Variants in ARPC5L observed in about 807,000 individuals in gnomAD.
ARPC5L encodes actin-related protein 2/3 complex subunit 5-like protein.
Under a neutral mutation model 16.9 loss-of-function variants are expected in ARPC5L, and 4 were observed. The observed-to-expected ratio is 0.24, with a 90% CI of 0.12 to 0.54. ARPC5L has a LOEUF of 0.54. Among genes scored for constraint, ARPC5L ranks in the 20% least tolerant of loss-of-function variants. The probability of loss-of-function intolerance (pLI) is 0.95; values close to 1 mark genes in which losing one functional copy is unlikely to be tolerated. For missense variants in ARPC5L, 151 were observed against 201.9 expected (o/e 0.75, Z 1.53); for synonymous variants, 78 against 82.6 (o/e 0.94, Z 0.30).
chr9:124,863,712 G>A (rs949111477), intron 1 of ARPC5L, among the ~76,000 whole-genome samples: 1 of 152,198 alleles, frequency 6.6e-6, no homozygotes, highest in African/African-American at 2.4e-5. Context: ...AGTGAAACGG[G>A]AATTCACAAG....
intron 3 of ARPC5L, chr9:124,873,423 A>G (rs1281017630): frequency 1.2e-5 from 6 of 508,478 alleles, no homozygotes; most frequent in Admixed American, 3.3e-5. Flanking sequence ...GCACAATCCA[A>G]TTTTACATCA....
intron 3 of ARPC5L, among the ~76,000 whole-genome samples, chr9:124,871,120 C>A (rs956349970): frequency 6.6e-6 from 1 of 152,000 alleles, no homozygotes; most frequent in Admixed American, 6.6e-5. Context: ...TTATATTAGA[C>A]CATTGAGGAC....
intron 1 of ARPC5L, among the ~76,000 whole-genome samples, chr9:124,863,344 C>T (rs773115612): frequency 6.6e-5 from 10 of 152,028 alleles, no homozygotes; most frequent in Non-Finnish European, 1.0e-4. Context: ...TTAGTAGAGA[C>T]AAGGTTTAGC....
chr9:124,867,141 CTTTTTT>C (rs779385412), intron 2 of ARPC5L, among the ~76,000 whole-genome samples: 2 of 137,922 alleles, frequency 1.5e-5, no homozygotes, highest in East Asian at 2.1e-4. Context: ...TCAGGGACAC[CTTTTTT>C]TTTTTTTTTT....
rs1382027779 is a variant in ARPC5L at position 124,876,318 on chromosome 9, C to G, written c.400-560C>G. 4.6e-5 allele frequency among the ~76,000 whole-genome samples: 7 copies of G among 151,922 alleles called. No individual in the cohort carries two copies. In the East Asian group the frequency reaches 1.4e-3, roughly 29 times the overall value. On this transcript the variant is annotated intron_variant, in intron 5 of 5. Transcript: ENST00000353214. ...CCTGGGCAACATGGTGAAACCCCGT[C>G]TCTACTAAAAATACAAAAATTAGCC...
At chr9:124,876,724 C>T (rs1344006565) in intron 5 of ARPC5L, among the ~76,000 whole-genome samples, 154 bp from the exon 6 acceptor site, 2 of 152,190 alleles carry the variant, frequency 1.3e-5, no homozygotes, top group African/African-American at 4.8e-5. Context: ...CAGGACAGGG[C>T]TCCTTCCCTA....
intron 1 of ARPC5L, among the ~76,000 whole-genome samples, chr9:124,863,063 A>G (rs1829225235): frequency 6.6e-6 from 1 of 151,544 alleles, no homozygotes; most frequent in South Asian, 2.1e-4. Flanking sequence ...TCCTGGGCTC[A>G]AGCAATCCGC....
Position 124,877,135 on chromosome 9 carries a change from A to T in ARPC5L, c.*195A>T, listed in dbSNP as rs79169051. On this transcript the variant is annotated 3_prime_UTR_variant, in exon 6 of 6. Transcript: ENST00000353214. ...TCCTAAATCCTGTTTAGGATCTGAT[A>T]GTCTATGCCTTTGTCTCCGAGTACT... The T allele has an allele frequency of 2.1e-5, 12 of 583,000 alleles. No homozygotes were observed. The East Asian group carries it at 3.6e-4, about 17-fold the overall frequency. The allele number at this position is 583,000 out of a possible 1,614,324, so 36.1% of individuals were successfully genotyped here. A position where few individuals can be genotyped will look rare whatever the true frequency, so the allele number is the denominator to read the frequency against.
chr9:124,865,452 C>T (rs1829255908), intron 2 of ARPC5L, among the ~76,000 whole-genome samples: 1 of 152,046 alleles, frequency 6.6e-6, no homozygotes, highest in Admixed American at 6.6e-5. Flanking sequence ...TTACACGCCA[C>T]ATCTAGTCAA....
chr9:124,877,103 GTC>G lies in ARPC5L; in HGVS notation c.*165_*166del, dbSNP rs1157046501. ...TATTTTCAAGGTGGAGGGGAAAATC[GTC>G]TGTTTCCTAAATCCTGTTTAGGATC... On this transcript the variant is annotated 3_prime_UTR_variant, in exon 6 of 6. Transcript: ENST00000353214. The G allele has an allele frequency of 9.5e-6, 6 of 628,604 alleles. No homozygotes were observed. The highest frequency in any genetic ancestry group is 1.4e-5 in the Non-Finnish European group (5 of 367,646). 38.9% of individuals were successfully genotyped at this position (628,604 alleles called of 1,614,324 possible).
At chr9:124,870,985 A>C (rs189823083) in intron 3 of ARPC5L, among the ~76,000 whole-genome samples, 2 of 152,314 alleles carry the variant, frequency 1.3e-5, no homozygotes, top group Admixed American at 6.5e-5. Context: ...AGAGTGCTCC[A>C]CTTGGGGTTG....
chr9:124,876,960 G>C lies in ARPC5L; in HGVS notation c.*20G>C. On this transcript the variant is annotated 3_prime_UTR_variant, in exon 6 of 6. Coordinates refer to ENST00000353214, the MANE Select transcript of ARPC5L (RefSeq NM_030978.3). ...GTTTAAAAAAAATAAAAAGACTCAT[G>C]TTACCTTGAGAAGAATTCTGGATGC... The C allele has an allele frequency of 6.3e-7, 1 of 1,596,536 alleles. No homozygotes were observed. Among genetic ancestry groups the C allele is most frequent in the Non-Finnish European group, 8.5e-7 (1 of 1,169,886 alleles).
At chr9:124,874,929 G>A (rs1433353174) in intron 4 of ARPC5L, 46 bp from the exon 5 acceptor site, 7 of 1,609,892 alleles carry the variant, frequency 4.3e-6, no homozygotes, top group Admixed American at 1.7e-5. Flanking sequence ...ATGGCATGGC[G>A]GTGCCTTCGC....
At chr9:124,872,317 G>T (rs1166782861) in intron 3 of ARPC5L, among the ~76,000 whole-genome samples, 1 of 152,172 alleles carries the variant, frequency 6.6e-6, no homozygotes, top group Non-Finnish European at 1.5e-5. Flanking sequence ...TACAAGGGCT[G>T]GGCGCGGTGG....
chr9:124,873,958 G>A (rs143239551), intron 4 of ARPC5L, among the ~76,000 whole-genome samples, 194 bp downstream of exon 4: 99 of 152,284 alleles, frequency 6.5e-4, no homozygotes, highest in African/African-American at 2.2e-3. Context: ...GTTTATATAC[G>A]AGAACCTCCC....
Position 124,873,520 on chromosome 9 carries a change from C to T in ARPC5L, c.150-172C>T, listed in dbSNP as rs553311756. Reference sequence around the variant, plus strand: ...TTGCATGGTTGGCAGAGGTGCCCTGCAGCCTCCCTGTGCAGGCTGTAAACC... The same window carrying T: ...TTGCATGGTTGGCAGAGGTGCCCTGTAGCCTCCCTGTGCAGGCTGTAAACC... On this transcript the variant is annotated intron_variant, in intron 3 of 5. Transcript: ENST00000353214. 221 of 677,904 alleles carry T rather than the reference C, an allele frequency of 3.3e-4. 3 individuals are homozygous for T. Among genetic ancestry groups the T allele is most frequent in the Middle Eastern group, 1.8e-3 (7 of 3,922 alleles). 42.0% of individuals were successfully genotyped at this position (677,904 alleles called of 1,614,324 possible). A position where few individuals can be genotyped will look rare whatever the true frequency, so the allele number is the denominator to read the frequency against.
chr9:124,866,522 C>T (rs1829272796), intron 2 of ARPC5L, among the ~76,000 whole-genome samples: 3 of 151,960 alleles, frequency 2.0e-5, no homozygotes, highest in Admixed American at 2.0e-4. Context: ...AGGAGTTCAA[C>T]ACTAGGCCAG....
chr9:124,866,693 G>A (rs1171625449), intron 2 of ARPC5L, among the ~76,000 whole-genome samples: 1 of 152,008 alleles, frequency 6.6e-6, no homozygotes, highest in Non-Finnish European at 1.5e-5. Flanking sequence ...AGTCCAGCCT[G>A]GGCAATAAGA....
At chr9:124,876,360 G>A (rs1027840602) in intron 5 of ARPC5L, among the ~76,000 whole-genome samples, 8 of 151,776 alleles carry the variant, frequency 5.3e-5, no homozygotes, top group South Asian at 2.1e-4. Flanking sequence ...GGTGGCGGGC[G>A]CCTGTAATCC....
Sources: allele counts gnomAD v4.1 joint callset (sites outside exome capture counted in the v4.1 genomes callset), GRCh38; gene constraint gnomAD v4.1.1; transcripts MANE v1.5; gene names NCBI Gene and HGNC (gene_info 2026-07-23, HGNC 2026-07-21).